Variants in PCDHGA6 observed in about 807,000 individuals in gnomAD.
PCDHGA6 encodes the protein protocadherin gamma subfamily A, 6.
PCDHGA6 carries 41 observed loss-of-function variants against 60.6 expected under a neutral mutation model. The observed-to-expected ratio is 0.68, with a 90% CI of 0.53 to 0.88. PCDHGA6 has a LOEUF of 0.88. PCDHGA6 is among the 40% of genes least tolerant of loss of function. The probability of loss-of-function intolerance (pLI) is 0.00; values close to 1 mark genes in which losing one functional copy is unlikely to be tolerated. For missense variants in PCDHGA6, 1,312 were observed against 1,203.0 expected (o/e 1.09, Z -1.34); for synonymous variants, 594 against 524.4 (o/e 1.13, Z -1.81).
chr5:141,409,022 A>G (rs1258261622), intron 1 of PCDHGA6: 1 of 1,614,046 alleles, frequency 6.2e-7, no homozygotes, highest in Non-Finnish European at 8.5e-7. Flanking sequence ...TGAGGGGGTC[A>G]ATGCTGAGAT....
chr5:141,393,931 A>G (rs2092877378), intron 1 of PCDHGA6: 6 of 1,614,002 alleles, frequency 3.7e-6, no homozygotes, highest in Middle Eastern at 1.6e-4. Flanking sequence ...AGTGTGCATG[A>G]CCAAGACTCT....
At chr5:141,499,461 A>G (rs1448103747) in intron 2 of PCDHGA6, among the ~76,000 whole-genome samples, 2 of 152,226 alleles carry the variant, frequency 1.3e-5, no homozygotes. Flanking sequence ...TCATTTTACA[A>G]TCTAGGGAGA....
chr5:141,423,957 T>G, intron 1 of PCDHGA6: 1 of 1,183,084 alleles, frequency 8.5e-7, no homozygotes, highest in Non-Finnish European at 1.1e-6. Context: ...TTTAGTATTA[T>G]TTTTCTATTA....
At chr5:141,418,912 ACT>A (rs1457793463) in intron 1 of PCDHGA6, 2 of 1,613,770 alleles carry the variant, frequency 1.2e-6, no homozygotes, top group Non-Finnish European at 1.7e-6. Flanking sequence ...TCATCACGTC[ACT>A]CTCTGATCAG....
chr5:141,432,945 G>A lies in PCDHGA6; in HGVS notation c.2424+56438G>A, dbSNP rs761055026. On this transcript the variant is annotated intron_variant, in intron 1 of 3. Transcript: ENST00000517434. This position sits in a 1 kb window ranked among gnomAD's most constrained non-coding sequence, Gnocchi z 6.0. ...AAGTCACGCCTGCTGCAGGCTTCAGGAGGCGGCTTGACAGGAGCGCCGGCG... is the reference window on the plus strand; with the variant it reads ...AAGTCACGCCTGCTGCAGGCTTCAGAAGGCGGCTTGACAGGAGCGCCGGCG... 3 of 1,614,218 alleles carry A rather than the reference G, an allele frequency of 1.9e-6. No individual in the cohort carries two copies. The highest frequency in any genetic ancestry group is 2.5e-6 in the Non-Finnish European group (3 of 1,180,058).
chr5:141,381,835 T>TCTTTCTTCTTC (rs1561589443), intron 1 of PCDHGA6, among the ~76,000 whole-genome samples: 174 of 141,116 alleles, frequency 1.2e-3, no homozygotes, highest in African/African-American at 4.6e-3. Flanking sequence ...TCTTTTTTTT[T>TCTTTCTTCTTC]TTTTTTTTTT....
chr5:141,456,299 A>G (rs11167748), intron 1 of PCDHGA6, among the ~76,000 whole-genome samples: 25,602 of 152,048 alleles, frequency 0.17, 2,205 homozygotes, highest in South Asian at 0.22. Context: ...TCTAATGGAG[A>G]ACAGCAGCTA....
rs750182814 is a variant in PCDHGA6, at chr5:141,375,970, G to T, written c.1887G>T (p.Ala629=). 15 of 1,613,334 alleles carry T rather than the reference G, an allele frequency of 9.3e-6. No homozygotes were observed. The South Asian group carries it at 1.6e-4, about 18-fold the overall frequency. Reference sequence around the variant, plus strand: ...TGCACACGGGCGAGGTGCGCACGGCGCGCGCCCTGCTGGACAGAGACGCGC... The same window carrying T: ...TGCACACGGGCGAGGTGCGCACGGCTCGCGCCCTGCTGGACAGAGACGCGC... ...VGLHTGEVRT[A]RALLDRDALK... The change falls in exon 1 of 4, where the codon GCG becomes GCT. Residue 629 remains alanine, a synonymous_variant. Transcript: ENST00000517434.
intron 1 of PCDHGA6, chr5:141,395,547 TGTGTGTGTGTGTGTGTGTGTG>T (rs2093271294): frequency 4.6e-5 from 8 of 174,262 alleles, no homozygotes; most frequent in Non-Finnish European, 8.3e-5. Context: ...ATTGTTTGTG[TGTGTGTGTGTGTGTGTGTGTG>T]TGTGTGTGTG....
intron 1 of PCDHGA6, among the ~76,000 whole-genome samples, chr5:141,443,873 T>A (rs1250320938): frequency 6.6e-6 from 1 of 152,100 alleles, no homozygotes; most frequent in Non-Finnish European, 1.5e-5. Context: ...AAATTACTGA[T>A]AAGTCAAGAG....
intron 1 of PCDHGA6, chr5:141,389,914 C>A (rs754458764): frequency 1.2e-6 from 2 of 1,613,956 alleles, no homozygotes; most frequent in African/African-American, 2.7e-5. Flanking sequence ...ACTGACCGCC[C>A]CGACCCCTCT....
In PCDHGA6 at chr5:141,487,260, C is replaced by T; in HGVS notation, c.2425-7547C>T. 6.2e-7 allele frequency: 1 copy of T among 1,614,116 alleles called. No homozygotes were observed. The highest frequency in any genetic ancestry group is 1.1e-5 in the South Asian group (1 of 91,080). On this transcript the variant is annotated intron_variant, in intron 1 of 3. Coordinates refer to ENST00000517434, the MANE Select transcript of PCDHGA6 (RefSeq NM_018919.3). The surrounding 1 kb of genome is among the most constrained non-coding windows in gnomAD (Gnocchi z 5.0). ...CGTCTAACCCTCTACTTGGCTGTGT[C>T]CCTAGTGGCAATTTGCTTTGTCTCC...
chr5:141,455,254 G>T (rs936599726), intron 1 of PCDHGA6, among the ~76,000 whole-genome samples: 3 of 151,732 alleles, frequency 2.0e-5, no homozygotes, highest in African/African-American at 7.3e-5. Context: ...TAGTACAATC[G>T]CATTTCTTCC....
chr5:141,379,082 T>C (rs982884901), intron 1 of PCDHGA6: 9 of 152,216 alleles, frequency 5.9e-5, no homozygotes, highest in Non-Finnish European at 1.2e-4. Flanking sequence ...CTGAATTTGT[T>C]ATGAATGTGT....
rs76218301 is a variant in PCDHGA6 at position 141,380,317 on chromosome 5, A to G, written c.2424+3810A>G. On this transcript the variant is annotated intron_variant, in intron 1 of 3. Transcript: ENST00000517434. ...CCTATATCTTTGCTTGAGAATGAAA[A>G]TCTAAATGGAACTTCAAAGAACTGT... is the stretch of plus-strand genomic sequence containing the variant. Among the ~76,000 whole-genome samples the G allele has an allele frequency of 1.7e-4, 26 of 152,324 alleles. No individual in the cohort carries two copies. The East Asian group carries it at 5.0e-3, about 29-fold the overall frequency.
chr5:141,475,167 G>T (rs529813171), intron 1 of PCDHGA6, among the ~76,000 whole-genome samples: 1 of 152,160 alleles, frequency 6.6e-6, no homozygotes, highest in Admixed American at 6.5e-5. Flanking sequence ...CATTAGCAGT[G>T]CAACTTCTTG....
intron 1 of PCDHGA6, among the ~76,000 whole-genome samples, chr5:141,463,518 G>T (rs537466389): frequency 7.2e-6 from 1 of 139,068 alleles, no homozygotes; most frequent in African/African-American, 2.8e-5. Context: ...GCGTGATCTC[G>T]GCTTACTAGA....
At chr5:141,410,189 G>A in intron 1 of PCDHGA6, 1 of 1,613,992 alleles carries the variant, frequency 6.2e-7, no homozygotes, top group Non-Finnish European at 8.5e-7. Context: ...GCTTCATCTG[G>A]TCTTCGCAGA....
intron 1 of PCDHGA6, chr5:141,422,865 C>G: frequency 1.2e-6 from 2 of 1,614,244 alleles, no homozygotes; most frequent in Non-Finnish European, 1.7e-6. Context: ...TCAGCAGCAA[C>G]GTGTCGCTGA....
Sources: gnomAD v4.1 joint callset for allele counts (sites outside exome capture counted in the v4.1 genomes callset) on GRCh38, gnomAD v4.1.1 for gene constraint, Gnocchi (gnomAD v3.1) non-coding constraint, MANE v1.5 for transcripts, NCBI Gene and HGNC (gene_info 2026-07-23, HGNC 2026-07-21) for gene names.